Variants in RAB3C observed in about 807,000 individuals in gnomAD.
RAB3C encodes RAB3C, member RAS oncogene family, also known as ras-related protein Rab-3C.
In RAB3C, 17 loss-of-function variants were observed where a neutral mutation model predicts 26.4. That is an observed-to-expected ratio of 0.64 (90% CI 0.44 to 0.97). The LOEUF (loss-of-function observed/expected upper bound fraction) is 0.97. RAB3C is among the 50% of genes least tolerant of loss of function. RAB3C has a pLI of 0.00. For missense variants in RAB3C, 242 were observed against 281.9 expected (o/e 0.86, Z 1.01); for synonymous variants, 91 against 95.9 (o/e 0.95, Z 0.30).
intron 2 of RAB3C, among the ~76,000 whole-genome samples, chr5:58,644,059 G>A (rs182088198): frequency 6.0e-4 from 92 of 152,268 alleles, no homozygotes; most frequent in Admixed American, 1.1e-3. Context: ...GACCTCAGGT[G>A]ATCCACCTGC....
intron 2 of RAB3C, among the ~76,000 whole-genome samples, chr5:58,711,212 C>G (rs1259068268): frequency 6.6e-6 from 1 of 152,166 alleles, no homozygotes; most frequent in African/African-American, 2.4e-5. Flanking sequence ...TTTCTCTTCT[C>G]CCCTGGGAGT....
rs1743504488 is a variant in RAB3C at position 58,827,294 on chromosome 5, C to T, written c.496+2132C>T. Among the ~76,000 whole-genome samples, 2 of 152,168 alleles carry T rather than the reference C, an allele frequency of 1.3e-5. 1 individual carries two copies. The highest frequency in any genetic ancestry group is 4.1e-4 in the South Asian group (2 of 4,828). On this transcript the variant is annotated intron_variant, in intron 4 of 4. Coordinates refer to ENST00000282878, the MANE Select transcript of RAB3C (RefSeq NM_138453.4). The stretch of plus-strand genomic sequence containing the variant: ...TGTCTTCCTGTGTTTTCTTAACTAG[C>T]TGGGCACATGCCAGGATGGGGAAGA...
At chr5:58,833,241 G>A (rs1236653271) in intron 4 of RAB3C, among the ~76,000 whole-genome samples, 1 of 151,770 alleles carries the variant, frequency 6.6e-6, no homozygotes, top group Non-Finnish European at 1.5e-5. Context: ...AAATTATGGC[G>A]AGGCCTAAAG....
intron 3 of RAB3C, among the ~76,000 whole-genome samples, chr5:58,740,418 T>C (rs1394703565): frequency 6.6e-6 from 1 of 152,222 alleles, no homozygotes; most frequent in East Asian, 1.9e-4. Context: ...CCATCCTGTG[T>C]TGGGAGCTCA....
chr5:58,671,142 CTGT>C (rs1204860355), intron 2 of RAB3C, among the ~76,000 whole-genome samples: 1 of 152,084 alleles, frequency 6.6e-6, no homozygotes, highest in Non-Finnish European at 1.5e-5. Context: ...GATTGATTGC[CTGT>C]TGTTTCTTTT....
rs1396713902 is a variant in RAB3C at position 58,858,722 on chromosome 5, G to T, written c.*7371G>T. On this transcript the variant is annotated 3_prime_UTR_variant, in exon 5 of 5. Transcript: ENST00000282878. Reference sequence around the variant, plus strand: ...CAGCTATAGATCATTGTTTTCTTAAGACAGCCAAACTGGCCCTTTGAAACC... The same window carrying T: ...CAGCTATAGATCATTGTTTTCTTAATACAGCCAAACTGGCCCTTTGAAACC... The T allele has an allele frequency of 6.6e-6, 1 of 152,184 alleles. No individual in the cohort carries two copies. The highest frequency in any genetic ancestry group is 2.4e-5 in the African/African-American group (1 of 41,454). The allele number at this position is 152,184 out of a possible 1,614,324, so 9.4% of individuals were successfully genotyped here.
chr5:58,588,170 C>G (rs1177327961), intron 1 of RAB3C, among the ~76,000 whole-genome samples: 2 of 151,924 alleles, frequency 1.3e-5, no homozygotes, highest in East Asian at 3.8e-4. Context: ...AATGTTTTTT[C>G]TATTGTTCTT....
intron 1 of RAB3C, among the ~76,000 whole-genome samples, chr5:58,598,437 T>C (rs1422995268): frequency 6.6e-6 from 1 of 152,018 alleles, no homozygotes; most frequent in Non-Finnish European, 1.5e-5. Context: ...GGGGTTCCCT[T>C]TCTTATCTTT....
intron 2 of RAB3C, among the ~76,000 whole-genome samples, chr5:58,637,421 A>G (rs758697928): frequency 6.6e-6 from 1 of 152,148 alleles, no homozygotes; most frequent in East Asian, 1.9e-4. Context: ...TTGCTGGAAC[A>G]GTAAAAGATC....
intron 3 of RAB3C, among the ~76,000 whole-genome samples, chr5:58,745,168 C>T (rs893432466): frequency 1.1e-4 from 16 of 151,996 alleles, no homozygotes; most frequent in African/African-American, 2.2e-4. Context: ...GAGGCCAAGA[C>T]GGGTGGATCA....
chr5:58,586,974 C>T (rs939707893), intron 1 of RAB3C, among the ~76,000 whole-genome samples: 1 of 152,084 alleles, frequency 6.6e-6, no homozygotes, highest in African/African-American at 2.4e-5. Flanking sequence ...AGTGATCATC[C>T]CTCTATCTTT....
In RAB3C at chr5:58,693,347, T is replaced by TATATATATATATATATATAC. The variant is rs1173401450; in HGVS notation, c.253-32640_253-32639insTATACATATATATATATATA. 3.2e-4 allele frequency among the ~76,000 whole-genome samples: 44 copies of TATATATATATATATATATAC among 137,826 alleles called. 1 individual carries two copies. The highest frequency in any genetic ancestry group is 1.1e-3 in the African/African-American group (37 of 33,704). The allele number at this position is 137,826 out of a possible 152,430, so 90.4% of individuals were successfully genotyped here. On this transcript the variant is annotated intron_variant, in intron 2 of 4. Transcript: ENST00000282878. ...TTATATATATATGTGTATATATATA[T>TATATATATATATATATATAC]ATATATATATATATAAAATTTCTTA...
chr5:58,769,116 T>A (rs1164636211), intron 3 of RAB3C, among the ~76,000 whole-genome samples: 3 of 151,614 alleles, frequency 2.0e-5, no homozygotes, highest in Non-Finnish European at 4.4e-5. Flanking sequence ...GCCGTTAGTT[T>A]TGGGCCCTGA....
intron 2 of RAB3C, among the ~76,000 whole-genome samples, chr5:58,712,405 C>T (rs568802527): frequency 6.6e-6 from 1 of 152,178 alleles, no homozygotes; most frequent in Admixed American, 6.5e-5. Flanking sequence ...ATAATTTTTG[C>T]TTTGTATCAA....
chr5:58,628,569 C>T (rs958272503), intron 2 of RAB3C, among the ~76,000 whole-genome samples: 3 of 152,192 alleles, frequency 2.0e-5, no homozygotes, highest in Non-Finnish European at 2.9e-5. Flanking sequence ...ACCTCTCATT[C>T]ATCCCACCTT....
chr5:58,829,287 A>G (rs1056131759), intron 4 of RAB3C, among the ~76,000 whole-genome samples: 3 of 152,182 alleles, frequency 2.0e-5, no homozygotes, highest in African/African-American at 4.8e-5. Flanking sequence ...TTAAATTTAT[A>G]GTATGGTACT....
At chr5:58,713,658 G>A (rs962490669) in intron 2 of RAB3C, among the ~76,000 whole-genome samples, 1 of 152,146 alleles carries the variant, frequency 6.6e-6, no homozygotes, top group Non-Finnish European at 1.5e-5. Flanking sequence ...ATTGACAATG[G>A]TAATATAACA....
Position 58,583,171 on chromosome 5 carries a change from G to T in RAB3C, c.-38G>T. On this transcript the variant is annotated 5_prime_UTR_variant, in exon 1 of 5. Transcript: ENST00000282878. Reference sequence around the variant, plus strand: ...CACGCTTGACCGGAAGCCCAGACCAGTGCGGTCCTAGCCAGAGAGAAAGGA... The same window carrying T: ...CACGCTTGACCGGAAGCCCAGACCATTGCGGTCCTAGCCAGAGAGAAAGGA... 2 of 1,614,080 alleles carry T rather than the reference G, an allele frequency of 1.2e-6. No individual in the cohort carries two copies. The highest frequency in any genetic ancestry group is 1.7e-6 in the Non-Finnish European group (2 of 1,180,024).
chr5:58,673,490 A>G (rs1579850536), intron 2 of RAB3C, among the ~76,000 whole-genome samples: 1 of 147,952 alleles, frequency 6.8e-6, no homozygotes, highest in Non-Finnish European at 1.5e-5. Context: ...ACACACACAT[A>G]CAATTTTCAA....
Sources: gnomAD v4.1 joint callset for allele counts (sites outside exome capture counted in the v4.1 genomes callset) on GRCh38, gnomAD v4.1.1 for gene constraint, MANE v1.5 for transcripts, NCBI Gene and HGNC (gene_info 2026-07-23, HGNC 2026-07-21) for gene names.